TENM1: variants seen among roughly 807,000 people sequenced by gnomAD.
The protein encoded by TENM1 is teneurin transmembrane protein 1.
Under a neutral mutation model 174.8 loss-of-function variants are expected in TENM1, and 35 were observed. That is an observed-to-expected ratio of 0.20 (90% confidence interval 0.15 to 0.27). TENM1 has a LOEUF of 0.27. TENM1 is among the 10% of genes least tolerant of loss of function. The probability of loss-of-function intolerance (pLI) is 1.00; values close to 1 mark genes in which losing one functional copy is unlikely to be tolerated. For missense variants in TENM1, 1,633 were observed against 2,130.1 expected (o/e 0.77, Z 4.59); for synonymous variants, 781 against 798.7 (o/e 0.98, Z 0.37).
intron 4 of TENM1, among the ~76,000 whole-genome samples, chrX:124,722,839 CA>C (rs761441453): frequency 0.025 from 619 of 24,726 alleles, no homozygotes; most frequent in African/African-American, 0.047. Context: ...GACTCCGTCT[CA>C]AAAAAAAAAA....
chrX:125,061,595 T>C, the TENM1 span, among the ~76,000 whole-genome samples: 1 of 111,816 alleles, frequency 8.9e-6, no homozygotes, highest in African/African-American at 3.3e-5. Flanking sequence ...GGTAGCTGTA[T>C]GTGCAGAAGA....
chrX:124,819,649 T>C (rs2055990826), intron 3 of TENM1, among the ~76,000 whole-genome samples: 1 of 111,491 alleles, frequency 9.0e-6, no homozygotes, highest in Non-Finnish European at 1.9e-5. Context: ...TACATAATTG[T>C]AGGAAACTTC....
chrX:124,597,899 A>C (rs1372718188), intron 11 of TENM1, among the ~76,000 whole-genome samples: 3 of 111,509 alleles, frequency 2.7e-5, no homozygotes, highest in Non-Finnish European at 5.7e-5. Context: ...TAAAGTTAAA[A>C]AGCTTCTGCA....
intron 23 of TENM1, among the ~76,000 whole-genome samples, chrX:124,430,323 G>C (rs2060766260): frequency 8.9e-6 from 1 of 111,880 alleles, no homozygotes; most frequent in Non-Finnish European, 1.9e-5. Context: ...CAATGCACTA[G>C]AAGGAAGTAG....
chrX:124,966,459 G>A (rs2058726466), upstream of TENM1, among the ~76,000 whole-genome samples: 1 of 110,220 alleles, frequency 9.1e-6, no homozygotes, highest in South Asian at 3.8e-4. Flanking sequence ...TCAGGAGATC[G>A]AGACCATCCT....
At chrX:124,686,173 G>T (rs1294054296) in intron 5 of TENM1, among the ~76,000 whole-genome samples, 1 of 107,784 alleles carries the variant, frequency 9.3e-6, no homozygotes, top group Non-Finnish European at 1.9e-5. Context: ...CAGAAACTCT[G>T]CAGGCTAGGA....
intron 3 of TENM1, among the ~76,000 whole-genome samples, chrX:124,752,047 G>T (rs1423032636): frequency 9.1e-6 from 1 of 110,477 alleles, no homozygotes; most frequent in Non-Finnish European, 1.9e-5. Context: ...TCCAGTTCTA[G>T]ATCCCTGAGG....
intron 3 of TENM1, among the ~76,000 whole-genome samples, chrX:124,826,496 G>C (rs1294747637): frequency 3.6e-5 from 4 of 110,810 alleles, no homozygotes; most frequent in African/African-American, 1.3e-4. Flanking sequence ...TAAATTATGA[G>C]CCATAATAGA....
At chrX:124,644,978 G>T (rs1262911915) in intron 10 of TENM1, among the ~76,000 whole-genome samples, 165 bp downstream of exon 13, 2 of 111,507 alleles carry the variant, frequency 1.8e-5, no homozygotes, top group Non-Finnish European at 3.8e-5. Flanking sequence ...TCTGTCAGAA[G>T]AGACAAGAGC....
At chrX:124,465,361 C>T (rs1413132732) in intron 22 of TENM1, among the ~76,000 whole-genome samples, 1 of 111,303 alleles carries the variant, frequency 9.0e-6, no homozygotes, top group East Asian at 2.8e-4. Flanking sequence ...ACATCATTCC[C>T]CCTCGGCCTC....
chrX:124,528,120 T>C (rs781543551), intron 16 of TENM1, among the ~76,000 whole-genome samples: 26 of 109,729 alleles, frequency 2.4e-4, no homozygotes, highest in African/African-American at 7.9e-4. Flanking sequence ...GGCCCATATT[T>C]TGAATGTTTA....
chrX:124,660,617 A>T (rs1309235438), intron 6 of TENM1, among the ~76,000 whole-genome samples: 1 of 111,915 alleles, frequency 8.9e-6, no homozygotes, highest in Non-Finnish European at 1.9e-5. Flanking sequence ...AAGAACAGTA[A>T]ATGAAGCTTA....
chrX:124,746,210 C>G (rs2053915963), intron 3 of TENM1, among the ~76,000 whole-genome samples: 2 of 111,886 alleles, frequency 1.8e-5, no homozygotes, highest in Admixed American at 1.9e-4. Flanking sequence ...AAAGTTATAG[C>G]AACCATGGTG....
At chrX:125,119,258 G>A in the TENM1 span, among the ~76,000 whole-genome samples, 1 of 111,582 alleles carries the variant, frequency 9.0e-6, no homozygotes, top group Non-Finnish European at 1.9e-5. Context: ...GGGGTACAAT[G>A]TGATGTAATG....
At chrX:124,586,793 T>C (rs1250671448) in intron 11 of TENM1, among the ~76,000 whole-genome samples, 2 of 106,113 alleles carry the variant, frequency 1.9e-5, no homozygotes, top group Non-Finnish European at 3.9e-5. Flanking sequence ...AAAACCCCAT[T>C]GTCTCAGCCC....
At chrX:124,822,228 G>C (rs1240730200) in intron 3 of TENM1, among the ~76,000 whole-genome samples, 1 of 111,844 alleles carries the variant, frequency 8.9e-6, no homozygotes, top group Non-Finnish European at 1.9e-5. Context: ...TGATAACAAT[G>C]GTTTTAGAGG....
chrX:125,196,101 A>G, the TENM1 span, among the ~76,000 whole-genome samples: 2 of 111,133 alleles, frequency 1.8e-5, no homozygotes, highest in East Asian at 5.7e-4. Context: ...ATTATTCTCA[A>G]GTCTAAGCAA....
chrX:125,053,616 C>A, the TENM1 span, among the ~76,000 whole-genome samples: 1 of 111,967 alleles, frequency 8.9e-6, no homozygotes, highest in African/African-American at 3.2e-5. Flanking sequence ...CTTTTCCATT[C>A]AACCAGAGTA....
the TENM1 span, among the ~76,000 whole-genome samples, chrX:125,189,108 G>A: frequency 8.9e-6 from 1 of 111,956 alleles, no homozygotes; most frequent in Admixed American, 9.5e-5. Context: ...AGAAGACTGG[G>A]GAAAAACAAA....
Sources: gnomAD v4.1 joint callset for allele counts (sites outside exome capture counted in the v4.1 genomes callset) on GRCh38, gnomAD v4.1.1 for gene constraint, MANE v1.5 for transcripts, NCBI Gene and HGNC (gene_info 2026-07-23, HGNC 2026-07-21) for gene names.